The following USP44 variants were observed in gnomAD, a reference collection of about 807,000 sequenced individuals.
USP44 encodes the protein ubiquitin carboxyl-terminal hydrolase 44.
Under a neutral mutation model 69.0 loss-of-function variants are expected in USP44, and 61 were observed. The ratio of observed to expected loss-of-function variants is 0.88; its 90% confidence interval spans 0.72 to 1.09. The LOEUF is 1.09. Ranked by LOEUF, USP44 falls within the 50% of genes least tolerant of loss-of-function variation. USP44 has a pLI of 0.00. For missense variants in USP44, 753 were observed against 849.9 expected (o/e 0.89, Z 1.42); for synonymous variants, 297 against 295.4 (o/e 1.01, Z -0.06).
Position 95,533,398 on chromosome 12 carries a change from C to A in USP44, c.859G>T (p.Val287Phe). 1 of 1,613,680 alleles carries A rather than the reference C, an allele frequency of 6.2e-7. No individual in the cohort carries two copies. Among genetic ancestry groups the A allele is most frequent in the Non-Finnish European group, 8.5e-7 (1 of 1,179,714 alleles). The change falls in exon 2 of 6, where the codon GTT (valine) becomes TTT (phenylalanine). Residue 287 changes from valine to phenylalanine, a missense_variant. Transcript: ENST00000258499. ...AGTAAATGACTCAACACCTGAAGAA[C>A]AGAATTCATATAGCAAGTATTTCCC... is the stretch of plus-strand genomic sequence containing the variant. ...NLGNTCYMNS[V>F]LQVLSHLLIF...
intron 4 of USP44, chr12:95,522,069 TC>T: frequency 1.0e-6 from 1 of 985,450 alleles, no homozygotes; most frequent in South Asian, 4.7e-5. Context: ...CATTACTGGA[TC>T]TCAGCATGGC....
chr12:95,543,140 A>T (rs143773435), intron 1 of USP44, among the ~76,000 whole-genome samples: 1 of 145,880 alleles, frequency 6.9e-6, no homozygotes, highest in East Asian at 2.1e-4. Context: ...GTGGCTCATG[A>T]CTGTAATCCC....
intron 1 of USP44, among the ~76,000 whole-genome samples, chr12:95,539,838 A>C (rs1206040886): frequency 1.3e-5 from 2 of 152,230 alleles, no homozygotes; most frequent in Non-Finnish European, 2.9e-5. Context: ...TTAGGAGAGA[A>C]ATAGATGATC....
chr12:95,528,903 T>C lies in USP44; in HGVS notation c.1528A>G (p.Ile510Val), dbSNP rs774500758. The C allele has an allele frequency of 6.2e-7, 1 of 1,614,082 alleles. No individual in the cohort carries two copies. Residue 510 changes from isoleucine to valine, a missense_variant, in exon 3 of 6, where the codon ATT becomes GTT. By Grantham distance (29) the Ile-to-Val change is conservative. Transcript: ENST00000258499. ...GTAACCAGACATGGCTGGGAAGCAA[T>C]ATCTTTTCCACTGCATTGATACCTT... ...PERYQCSGKD[I>V]ASQPCLVTEM...
intron 1 of USP44, among the ~76,000 whole-genome samples, chr12:95,537,113 A>T (rs1025942044): frequency 6.6e-6 from 1 of 152,160 alleles, no homozygotes; most frequent in African/African-American, 2.4e-5. Context: ...ATTATAAGGA[A>T]ATTAAAGCTG....
intron 1 of USP44, among the ~76,000 whole-genome samples, chr12:95,537,629 T>C (rs2077250814): frequency 1.3e-5 from 2 of 152,142 alleles, no homozygotes; most frequent in African/African-American, 4.8e-5. Context: ...AAATAATTAT[T>C]AGTTCAACAT....
At position 95,540,883 on chromosome 12, in the gene USP44, A is replaced by G. The variant is rs190904185; in HGVS notation, c.-70-6557T>C. 1.6e-3 allele frequency among the ~76,000 whole-genome samples: 239 copies of G among 152,314 alleles called. 1 individual carries two copies. Among genetic ancestry groups the G allele is most frequent in the Non-Finnish European group, 1.4e-3 (98 of 68,032 alleles). On this transcript the variant is annotated intron_variant, in intron 1 of 5. Coordinates refer to ENST00000258499, the MANE Select transcript of USP44 (RefSeq NM_032147.5). Reference sequence around the variant, plus strand: ...CTCTTTTTTTGATGAAAAAATTATAATTTTAATTTCCTCATTATGAAAGCA... The same window carrying G: ...CTCTTTTTTTGATGAAAAAATTATAGTTTTAATTTCCTCATTATGAAAGCA...
rs111293124 is a variant in USP44 at position 95,535,081 on chromosome 12, T to C, written c.-70-755A>G. Among the ~76,000 whole-genome samples, 6 of 152,288 alleles carry C rather than the reference T, an allele frequency of 3.9e-5. 1 individual carries two copies. Among genetic ancestry groups the C allele is most frequent in the African/African-American group, 1.4e-4 (6 of 41,560 alleles). On this transcript the variant is annotated intron_variant, in intron 1 of 5. Transcript: ENST00000258499. ...GGAGTTAATAAAACATAATCAAAGATGAAAAGGTGAGTTTTAAGGCAGAAA... is the reference window on the plus strand; with the variant it reads ...GGAGTTAATAAAACATAATCAAAGACGAAAAGGTGAGTTTTAAGGCAGAAA...
chr12:95,530,681 A>AGATAGATAGATAGATG (rs2076990616), intron 2 of USP44, among the ~76,000 whole-genome samples: 1 of 152,034 alleles, frequency 6.6e-6, no homozygotes, highest in East Asian at 1.9e-4. Context: ...ATAGATAGAT[A>AGATAGATAGATAGATG]GATAGATAGA....
chr12:95,518,187 G>A lies in USP44; in HGVS notation c.2106C>T (p.Asp702=), dbSNP rs367640087. Residue 702 remains aspartate, a synonymous_variant, in exon 6 of 6, where the codon GAC becomes GAT. Coordinates refer to ENST00000258499, the MANE Select transcript of USP44 (RefSeq NM_032147.5). ...LLLGSQHPNE[D]ADTSSNEILS Reference sequence around the variant, plus strand: ...GGATTTCATTAGACGAGGTATCAGCGTCTTCATTGGGATGTTGGCTCCCCA... The same window carrying A: ...GGATTTCATTAGACGAGGTATCAGCATCTTCATTGGGATGTTGGCTCCCCA... 91 of 1,614,010 alleles carry A rather than the reference G, an allele frequency of 5.6e-5. No homozygotes were observed. In the African/African-American group the frequency reaches 6.5e-4, roughly 12 times the overall value.
At position 95,533,473 on chromosome 12, in the gene USP44, C is replaced by T. The variant is rs61756484; in HGVS notation, c.784G>A (p.Val262Ile). 1 of 1,614,060 alleles carries T rather than the reference C, an allele frequency of 6.2e-7. No individual in the cohort carries two copies. Among genetic ancestry groups the T allele is most frequent in the African/African-American group, 1.3e-5 (1 of 74,918 alleles). The stretch of plus-strand genomic sequence containing the variant: ...GGAGTTACTATTGGCCTTCGTTTAA[C>T]TGAGGAGTCACTGACTTTTTGAGAT... ...EISQKVSDSS[V>I]KRRPIVTPGV... is the part of the protein sequence containing the mutation. The change falls in exon 2 of 6, where the codon GTT (valine) becomes ATT (isoleucine). Residue 262 changes from valine to isoleucine, a missense_variant. Val to Ile is a conservative substitution (Grantham distance 29). Coordinates refer to ENST00000258499, the MANE Select transcript of USP44 (RefSeq NM_032147.5).
intron 1 of USP44, among the ~76,000 whole-genome samples, chr12:95,543,966 C>CAAAAAAAAAAAAAAAAAAAAAAAAAAAAA (rs760105964): frequency 2.1e-5 from 1 of 47,682 alleles, no homozygotes; most frequent in Non-Finnish European, 3.8e-5. Flanking sequence ...GACTGCATCT[C>CAAAAAAAAAAAAAAAAAAAAAAAAAAAAA]AAAAAAAAAA....
At chr12:95,521,702 G>A (rs912941842) in intron 4 of USP44, among the ~76,000 whole-genome samples, 3 of 152,152 alleles carry the variant, frequency 2.0e-5, no homozygotes, top group African/African-American at 7.2e-5. Context: ...GGCCAGGCTG[G>A]TCTTGAACTC....
At chr12:95,538,057 A>C (rs971196891) in intron 1 of USP44, among the ~76,000 whole-genome samples, 4 of 152,212 alleles carry the variant, frequency 2.6e-5, no homozygotes, top group Non-Finnish European at 4.4e-5. Context: ...TAAACACATC[A>C]TTCTATTTGA....
upstream of USP44, chr12:95,551,647 GT>G (rs1308901276): frequency 6.6e-6 from 1 of 152,214 alleles, no homozygotes; most frequent in Non-Finnish European, 1.5e-5. Flanking sequence ...CCTCTCCACA[GT>G]TCCTAGTACC....
rs1165001876 is a variant in USP44 at position 95,550,133 on chromosome 12, C to T, written c.-71+1139G>A. Among the ~76,000 whole-genome samples the T allele has an allele frequency of 3.4e-5, 5 of 147,250 alleles. No homozygotes were observed. In the South Asian group the frequency reaches 6.4e-4, roughly 19 times the overall value. ...GGCGGAGGTTGTGGTGAGCCTAGAT[C>T]CACAATTGCACTCAAGCCTGGGCAG... On this transcript the variant is annotated intron_variant, in intron 1 of 5. Transcript: ENST00000258499.
rs1407742900 is a variant in USP44 at position 95,534,246 on chromosome 12, A to G, written c.11T>C (p.Met4Thr). The change falls in exon 2 of 6, where the codon ATG becomes ACG. Residue 4 changes from methionine to threonine, a missense_variant. Transcript: ENST00000258499. MLA[M>T]DTCKHVGQLQ... is the part of the protein sequence containing the mutation. ...CTGCCCAACATGTTTGCACGTATCCATTGCTAGCATTTATTTAGTCTAGCT... is the reference window on the plus strand; with the variant it reads ...CTGCCCAACATGTTTGCACGTATCCGTTGCTAGCATTTATTTAGTCTAGCT... 6.2e-7 allele frequency: 1 copy of G among 1,608,042 alleles called. No homozygotes were observed. The highest frequency in any genetic ancestry group is 1.7e-5 in the Admixed American group (1 of 59,564).
At chr12:95,531,543 T>C (rs571668730) in intron 2 of USP44, among the ~76,000 whole-genome samples, 1 of 152,196 alleles carries the variant, frequency 6.6e-6, no homozygotes, top group Non-Finnish European at 1.5e-5. Flanking sequence ...TTTAAAACTT[T>C]TGCATAAAAA....
chr12:95,541,391 G>A (rs2077384688), intron 1 of USP44, among the ~76,000 whole-genome samples: 1 of 152,116 alleles, frequency 6.6e-6, no homozygotes, highest in African/African-American at 2.4e-5. Context: ...AGGAGTTCAA[G>A]AGCAGCCTGC....
Sources: gnomAD v4.1 joint callset for allele counts (sites outside exome capture counted in the v4.1 genomes callset) on GRCh38, gnomAD v4.1.1 for gene constraint, MANE v1.5 for transcripts, NCBI Gene and HGNC (gene_info 2026-07-23, HGNC 2026-07-21) for gene names.